RTL4: variants seen among roughly 807,000 people sequenced by gnomAD.
RTL4 encodes the protein retrotransposon Gag like 4.
RTL4 carries 4 observed loss-of-function variants against 5.3 expected under a neutral mutation model. The ratio of observed to expected loss-of-function variants is 0.75; its 90% CI spans 0.37 to 1.72. RTL4 has a LOEUF of 1.72. Among genes scored for constraint, RTL4 ranks in the 40% most tolerant of loss-of-function variants. RTL4 has a pLI of 0.04. For missense variants in RTL4, 260 were observed against 227.1 expected (o/e 1.14, Z -0.93); for synonymous variants, 98 against 87.3 (o/e 1.12, Z -0.68).
chrX:112,146,848 T>G, the RTL4 span, among the ~76,000 whole-genome samples: 4 of 106,842 alleles, frequency 3.7e-5, no homozygotes, highest in Non-Finnish European at 7.7e-5. Flanking sequence ...TACTGTATAA[T>G]CATCATCATT....
chrX:112,106,427 A>C, the RTL4 span, among the ~76,000 whole-genome samples: 1 of 111,929 alleles, frequency 8.9e-6, no homozygotes, highest in Admixed American at 9.5e-5. Flanking sequence ...TAATTCTTTA[A>C]ATGTTTGGTA....
chrX:112,144,872 A>G, the RTL4 span, among the ~76,000 whole-genome samples: 8 of 111,587 alleles, frequency 7.2e-5, no homozygotes, highest in Non-Finnish European at 1.9e-5. Flanking sequence ...ACTTAACTAT[A>G]TTGCTAAAGG....
the RTL4 span, among the ~76,000 whole-genome samples, chrX:112,225,609 C>T: frequency 1.8e-5 from 2 of 111,600 alleles, no homozygotes; most frequent in Admixed American, 1.9e-4. Context: ...CCAAATGAGC[C>T]CAGATCATCT....
the RTL4 span, among the ~76,000 whole-genome samples, chrX:112,348,322 A>G: frequency 9.2e-6 from 1 of 108,856 alleles, no homozygotes; most frequent in African/African-American, 3.3e-5. Context: ...GAGTGATATG[A>G]TCGCTATACT....
chrX:112,279,173 C>A, the RTL4 span, among the ~76,000 whole-genome samples: 1 of 111,202 alleles, frequency 9.0e-6, no homozygotes, highest in Non-Finnish European at 1.9e-5. Flanking sequence ...TAAAATAAAA[C>A]AAGAAAAGTT....
chrX:112,094,562 G>C, the RTL4 span, among the ~76,000 whole-genome samples: 1 of 110,807 alleles, frequency 9.0e-6, no homozygotes, highest in Admixed American at 9.6e-5. Flanking sequence ...TAGGGAGAGA[G>C]AATAAATAGA....
chrX:112,133,201 G>A, the RTL4 span, among the ~76,000 whole-genome samples: 1 of 111,724 alleles, frequency 9.0e-6, no homozygotes, highest in Non-Finnish European at 1.9e-5. Flanking sequence ...ATTTTCTTCT[G>A]TAACATGAAG....
At chrX:112,238,710 T>C in the RTL4 span, among the ~76,000 whole-genome samples, 1 of 111,472 alleles carries the variant, frequency 9.0e-6, no homozygotes, top group Admixed American at 9.5e-5. Flanking sequence ...TTACCTCCTA[T>C]ATATCCCAGA....
At chrX:112,325,988 A>G in the RTL4 span, among the ~76,000 whole-genome samples, 1 of 112,334 alleles carries the variant, frequency 8.9e-6, no homozygotes, top group Non-Finnish European at 1.9e-5. Flanking sequence ...TGGGCAAAGG[A>G]CATGAACAGA....
the RTL4 span, among the ~76,000 whole-genome samples, chrX:112,283,490 C>T: frequency 9.0e-6 from 1 of 111,399 alleles, no homozygotes; most frequent in African/African-American, 3.3e-5. Context: ...GGAAACTTAG[C>T]TCTAGAGAGG....
At chrX:112,369,186 A>T in the RTL4 span, among the ~76,000 whole-genome samples, 4 of 112,938 alleles carry the variant, frequency 3.5e-5, no homozygotes, top group African/African-American at 1.3e-4. Context: ...AGCCCTACTT[A>T]TATAGCTTTA....
chrX:112,120,444 G>GT, the RTL4 span, among the ~76,000 whole-genome samples: 6 of 110,614 alleles, frequency 5.4e-5, no homozygotes, highest in Admixed American at 2.9e-4. Context: ...GCCTGGCTAA[G>GT]TTTTTGTATT....
chrX:112,176,147 CTT>C, the RTL4 span, among the ~76,000 whole-genome samples: 4 of 110,880 alleles, frequency 3.6e-5, no homozygotes, highest in Non-Finnish European at 7.6e-5. Flanking sequence ...AAAGAGAATA[CTT>C]AGGAATCCAA....
chrX:112,201,997 G>A, the RTL4 span, among the ~76,000 whole-genome samples: 1 of 109,966 alleles, frequency 9.1e-6, no homozygotes, highest in South Asian at 3.9e-4. Context: ...GTGTGTGTGT[G>A]TGTTTACTTC....
At chrX:112,287,648 G>A in the RTL4 span, among the ~76,000 whole-genome samples, 4 of 111,609 alleles carry the variant, frequency 3.6e-5, no homozygotes, top group East Asian at 2.8e-4. Context: ...GGTATAAGTG[G>A]ACATGATCTC....
the RTL4 span, among the ~76,000 whole-genome samples, chrX:112,102,965 G>A: frequency 3.6e-5 from 4 of 111,935 alleles, no homozygotes; most frequent in Non-Finnish European, 7.5e-5. Context: ...AAAAAAGAAC[G>A]CTTTTACATT....
At chrX:112,239,066 C>T in the RTL4 span, among the ~76,000 whole-genome samples, 1 of 111,776 alleles carries the variant, frequency 8.9e-6, no homozygotes, top group African/African-American at 3.3e-5. Flanking sequence ...GAGTCTCCCA[C>T]TAAGATGGTA....
the RTL4 span, among the ~76,000 whole-genome samples, chrX:112,309,791 T>TAC: frequency 4.7e-5 from 5 of 106,492 alleles, no homozygotes; most frequent in East Asian, 1.2e-3. Flanking sequence ...CACATATATA[T>TAC]ACACACACAC....
At chrX:112,327,220 G>A in the RTL4 span, among the ~76,000 whole-genome samples, 2 of 111,822 alleles carry the variant, frequency 1.8e-5, no homozygotes, top group Non-Finnish European at 3.8e-5. Flanking sequence ...GCTATGGGAG[G>A]ACATTCAAAC....
Sources: gnomAD v4.1 joint callset for allele counts (sites outside exome capture counted in the v4.1 genomes callset) on GRCh38, gnomAD v4.1.1 for gene constraint, MANE v1.5 for transcripts, NCBI Gene and HGNC (gene_info 2026-07-23, HGNC 2026-07-21) for gene names.